The following ROBO2 variants were observed in gnomAD, a reference collection of about 807,000 sequenced individuals.
ROBO2 encodes roundabout homolog 2.
In ROBO2, 53 loss-of-function variants were observed where a neutral mutation model predicts 160.8. The ratio of observed to expected loss-of-function variants is 0.33; its 90% CI spans 0.26 to 0.41. ROBO2 has a LOEUF of 0.41. Ranked by LOEUF, ROBO2 falls within the 10% of genes least tolerant of loss-of-function variation. ROBO2 has a pLI of 1.00. For missense variants in ROBO2, 1,577 were observed against 1,722.4 expected (o/e 0.92, Z 1.49); for synonymous variants, 664 against 611.7 (o/e 1.09, Z -1.26).
intron 2 of ROBO2, among the ~76,000 whole-genome samples, chr3:77,386,115 A>G (rs1197739252): frequency 6.6e-6 from 1 of 152,242 alleles, no homozygotes; most frequent in African/African-American, 2.4e-5. Context: ...TACTGTGCTA[A>G]GTATTTTACC....
intron 2 of ROBO2, among the ~76,000 whole-genome samples, chr3:76,898,133 T>A (rs2074951061): frequency 6.6e-6 from 1 of 152,108 alleles, no homozygotes; most frequent in Non-Finnish European, 1.5e-5. Flanking sequence ...TGATGATTGC[T>A]TTGGTGCACT....
At chr3:77,569,135 G>C (rs187001879) in intron 13 of ROBO2, among the ~76,000 whole-genome samples, 293 of 151,966 alleles carry the variant, frequency 1.9e-3, no homozygotes, top group Non-Finnish European at 3.7e-3. Context: ...CAAGTCTTTG[G>C]GTGGACACAT....
At chr3:76,536,640 C>T (rs573233591) in intron 2 of ROBO2, among the ~76,000 whole-genome samples, 4 of 152,194 alleles carry the variant, frequency 2.6e-5, no homozygotes, top group African/African-American at 7.2e-5. Flanking sequence ...CGGGGAACTG[C>T]CCTGGTGCCT....
intron 2 of ROBO2, among the ~76,000 whole-genome samples, chr3:77,143,255 GA>G (rs1401595958): frequency 3.2e-5 from 4 of 124,748 alleles, no homozygotes; most frequent in Non-Finnish European, 6.3e-5. Context: ...GTACAATCTT[GA>G]CAATCTTGGC....
intron 2 of ROBO2, among the ~76,000 whole-genome samples, chr3:76,982,619 T>G (rs1255150331): frequency 6.6e-6 from 1 of 152,220 alleles, no homozygotes; most frequent in Non-Finnish European, 1.5e-5. Flanking sequence ...AAGTACATTT[T>G]ATATGAAGAT....
intron 2 of ROBO2, among the ~76,000 whole-genome samples, chr3:76,131,814 G>C (rs1335533145): frequency 6.6e-6 from 1 of 151,966 alleles, no homozygotes; most frequent in Admixed American, 6.6e-5. Context: ...CCCAATGTGT[G>C]GATTATAAGC....
At chr3:77,502,793 C>G (rs2087811359) in intron 5 of ROBO2, among the ~76,000 whole-genome samples, 1 of 152,098 alleles carries the variant, frequency 6.6e-6, no homozygotes, top group Non-Finnish European at 1.5e-5. Context: ...AGGTTATATG[C>G]AAATACTACA....
chr3:77,077,056 A>G (rs149392321), intron 1 of ROBO2, among the ~76,000 whole-genome samples: 67 of 152,326 alleles, frequency 4.4e-4, no homozygotes, highest in Middle Eastern at 3.4e-3. Flanking sequence ...GATGACATAC[A>G]GCACGTGTGA....
At chr3:76,780,143 A>G (rs2062539147) in intron 2 of ROBO2, among the ~76,000 whole-genome samples, 1 of 150,384 alleles carries the variant, frequency 6.6e-6, no homozygotes, top group African/African-American at 2.4e-5. Context: ...TCTGATGATT[A>G]GTAATGTTGA....
At chr3:77,060,675 G>A (rs1174311023) in intron 1 of ROBO2, among the ~76,000 whole-genome samples, 3 of 152,150 alleles carry the variant, frequency 2.0e-5, no homozygotes, top group Non-Finnish European at 2.9e-5. Context: ...CAGCTCAAGT[G>A]TCATCAGTCA....
chr3:76,796,386 A>G (rs2063693566), intron 2 of ROBO2, among the ~76,000 whole-genome samples: 2 of 151,782 alleles, frequency 1.3e-5, no homozygotes. Context: ...AAATTAAAAC[A>G]TACCACCAGA....
At chr3:76,012,790 G>A (rs1275154409) in intron 2 of ROBO2, among the ~76,000 whole-genome samples, 1 of 152,098 alleles carries the variant, frequency 6.6e-6, no homozygotes, top group East Asian at 1.9e-4. Flanking sequence ...AAGGCAATTG[G>A]TGACTGGGCA....
chr3:77,187,259 G>A (rs1284246964), intron 2 of ROBO2, among the ~76,000 whole-genome samples: 1 of 151,784 alleles, frequency 6.6e-6, no homozygotes, highest in Non-Finnish European at 1.5e-5. Flanking sequence ...ACTTGAAACT[G>A]GCCATTCAGC....
In ROBO2 at chr3:76,979,336, T is replaced by G. The variant is rs72902029; in HGVS notation, c.110-118678T>G. 7.9e-3 allele frequency among the ~76,000 whole-genome samples: 1,205 copies of G among 152,192 alleles called. 17 individuals are homozygous for G. Among genetic ancestry groups the G allele is most frequent in the African/African-American group, 0.027 (1,135 of 41,530 alleles). On this transcript the variant is annotated intron_variant, in intron 2 of 26. Transcript: ENST00000487694. ...ATGTGAATAATGTTCACTGTACCTG[T>G]TAAGTAATTTCTCATCCCTCAGCTC...
intron 17 of ROBO2, among the ~76,000 whole-genome samples, chr3:77,589,327 G>A (rs2094128972): frequency 6.6e-6 from 1 of 152,068 alleles, no homozygotes; most frequent in African/African-American, 2.4e-5. Flanking sequence ...GTTCAGGAAA[G>A]AAGAAAAGTT....
At chr3:77,501,769 C>T (rs770757246) in intron 5 of ROBO2, among the ~76,000 whole-genome samples, 6 of 151,872 alleles carry the variant, frequency 4.0e-5, no homozygotes, top group African/African-American at 7.3e-5. Context: ...ATTAATATTA[C>T]CTGTGTATCT....
At chr3:76,184,851 G>A (rs1701669103) in intron 2 of ROBO2, among the ~76,000 whole-genome samples, 1 of 152,086 alleles carries the variant, frequency 6.6e-6, no homozygotes, top group African/African-American at 2.4e-5. Flanking sequence ...AGCAGAGAAA[G>A]AGTGTAACTC....
At chr3:76,818,886 G>A (rs1146012) in intron 2 of ROBO2, among the ~76,000 whole-genome samples, 18,724 of 151,966 alleles carry the variant, frequency 0.12, 1,271 homozygotes, top group East Asian at 0.2. Context: ...GAAGTCAGAT[G>A]ATGTGATTCC....
rs11407644 is a variant in ROBO2, at chr3:76,963,836, CA to C, written c.110-134165del. On this transcript the variant is annotated intron_variant, in intron 2 of 26. Transcript: ENST00000487694. Reference sequence around the variant, plus strand: ...TGAGCTGAAATTCTATGAGGAACTGCAAAAAAAAAAAAAGAAAAAAAAGAAA... The same window carrying C: ...TGAGCTGAAATTCTATGAGGAACTGCAAAAAAAAAAAAGAAAAAAAAGAAA... 4.1e-3 allele frequency among the ~76,000 whole-genome samples: 432 copies of C among 106,140 alleles called. 1 individual carries two copies. The highest frequency in any genetic ancestry group is 9.3e-3 in the African/African-American group (285 of 30,616). The allele number at this position is 106,140 out of a possible 152,430, so 69.6% of individuals were successfully genotyped here.
Sources: allele counts gnomAD v4.1 joint callset (sites outside exome capture counted in the v4.1 genomes callset), GRCh38; gene constraint gnomAD v4.1.1; transcripts MANE v1.5; gene names NCBI Gene and HGNC (gene_info 2026-07-23, HGNC 2026-07-21).